The following ROBO1 variants were observed in gnomAD, a reference collection of about 807,000 sequenced individuals.
ROBO1 encodes the protein roundabout guidance receptor 1, also known as roundabout homolog 1.
Under a neutral mutation model 195.9 loss-of-function variants are expected in ROBO1, and 149 were observed. The ratio of observed to expected loss-of-function variants is 0.76; its 90% CI spans 0.67 to 0.87. The LOEUF (loss-of-function observed/expected upper bound fraction) is 0.87, where lower values mean the gene tolerates loss of function less well. Among genes scored for constraint, ROBO1 ranks in the 40% least tolerant of loss-of-function variants. ROBO1 has a pLI of 0.00. For synonymous variants in ROBO1, 816 were observed against 733.2 expected, an observed-to-expected ratio of 1.11 and a Z score of -1.82; for missense variants, 1,933 against 2,068.3, an observed-to-expected ratio of 0.93 and a Z score of 1.27.
intron 1 of ROBO1, among the ~76,000 whole-genome samples, chr3:79,713,293 A>T (rs1257826159): frequency 6.6e-6 from 1 of 152,078 alleles, no homozygotes; most frequent in East Asian, 1.9e-4. Flanking sequence ...TATTTGAGAG[A>T]TACACTTCAT....
At chr3:79,607,732 C>T (rs982215397) in intron 1 of ROBO1, among the ~76,000 whole-genome samples, 6 of 151,736 alleles carry the variant, frequency 4.0e-5, no homozygotes, top group African/African-American at 1.2e-4. Flanking sequence ...AGCTGAAAAA[C>T]TGGCAAATAT....
chr3:79,685,292 G>A (rs1576228253), intron 1 of ROBO1, among the ~76,000 whole-genome samples: 1 of 152,098 alleles, frequency 6.6e-6, no homozygotes, highest in East Asian at 1.9e-4. Context: ...GGCCAGCCAG[G>A]GGTGAAAGCT....
chr3:79,285,629 G>A (rs984891607), intron 2 of ROBO1, among the ~76,000 whole-genome samples: 1 of 152,114 alleles, frequency 6.6e-6, no homozygotes, highest in Admixed American at 6.6e-5. Flanking sequence ...CAAAGCCCTG[G>A]AATTTTCCTT....
chr3:79,623,917 G>T (rs1054877282), intron 1 of ROBO1, among the ~76,000 whole-genome samples: 1 of 152,046 alleles, frequency 6.6e-6, no homozygotes, highest in African/African-American at 2.4e-5. Flanking sequence ...AGGTCAAAAT[G>T]AAGGAAAAAA....
intron 2 of ROBO1, among the ~76,000 whole-genome samples, chr3:79,263,419 C>A (rs2082976638): frequency 6.6e-6 from 1 of 152,008 alleles, no homozygotes; most frequent in South Asian, 2.1e-4. Flanking sequence ...GAGTCCAAGG[C>A]AGGAAAACAG....
intron 2 of ROBO1, among the ~76,000 whole-genome samples, chr3:79,450,114 G>GA (rs1376572484): frequency 3.8e-5 from 5 of 131,764 alleles, no homozygotes; most frequent in Non-Finnish European, 8.0e-5. Flanking sequence ...AGTTATTGGG[G>GA]AAAAAAAATG....
intron 3 of ROBO1, among the ~76,000 whole-genome samples, chr3:79,022,926 A>G (rs1249898263): frequency 6.6e-6 from 1 of 152,162 alleles, no homozygotes; most frequent in African/African-American, 2.4e-5. Context: ...CGTTGCTCCA[A>G]TGATTATATC....
chr3:79,063,707 T>A (rs558106559), intron 3 of ROBO1, among the ~76,000 whole-genome samples: 3 of 151,718 alleles, frequency 2.0e-5, no homozygotes, highest in Admixed American at 2.0e-4. Flanking sequence ...CTCCAGAGAG[T>A]TGATTGTAAA....
chr3:79,087,114 A>G (rs939977348), intron 3 of ROBO1, among the ~76,000 whole-genome samples: 1 of 152,094 alleles, frequency 6.6e-6, no homozygotes, highest in Non-Finnish European at 1.5e-5. Flanking sequence ...AGTAATTTTG[A>G]GTAACAGAAG....
chr3:79,204,277 T>C (rs1264824706), intron 2 of ROBO1, among the ~76,000 whole-genome samples: 2 of 152,188 alleles, frequency 1.3e-5, no homozygotes, highest in African/African-American at 2.4e-5. Context: ...TTGTTAACTA[T>C]AGTTTCCCGA....
intron 26 of ROBO1, among the ~76,000 whole-genome samples, chr3:78,625,683 C>G (rs1704718552): frequency 2.0e-5 from 3 of 152,150 alleles, no homozygotes; most frequent in Admixed American, 1.3e-4. Flanking sequence ...TCCATTGATT[C>G]TCACAACAAT....
chr3:79,505,617 A>G (rs1940349211), intron 2 of ROBO1, among the ~76,000 whole-genome samples: 1 of 152,220 alleles, frequency 6.6e-6, no homozygotes, highest in African/African-American at 2.4e-5. Flanking sequence ...GGGAAAGCTT[A>G]CAATACTTTG....
At chr3:79,034,656 A>T in intron 3 of ROBO1, among the ~76,000 whole-genome samples, 1 of 152,322 alleles carries the variant, frequency 6.6e-6, no homozygotes, top group Non-Finnish European at 1.5e-5. Context: ...ATGTTATTAA[A>T]TTGAATATTA....
chr3:79,312,460 T>G (rs2033532625), intron 2 of ROBO1, among the ~76,000 whole-genome samples: 1 of 152,236 alleles, frequency 6.6e-6, no homozygotes, highest in African/African-American at 2.4e-5. Flanking sequence ...GAGCAACTAC[T>G]GAGAGATAAT....
intron 3 of ROBO1, among the ~76,000 whole-genome samples, chr3:79,118,362 CAGTCACTACTGT>C (rs1251896361): frequency 6.6e-6 from 1 of 151,878 alleles, no homozygotes; most frequent in Non-Finnish European, 1.5e-5. Flanking sequence ...AATAATTAGC[CAGTCACTACTGT>C]AGCTGCTACA....
At chr3:79,528,240 T>C (rs1425961295) in intron 2 of ROBO1, among the ~76,000 whole-genome samples, 1 of 152,218 alleles carries the variant, frequency 6.6e-6, no homozygotes, top group African/African-American at 2.4e-5. Context: ...TATTACTGTT[T>C]AGAAAGCAGA....
At chr3:78,754,570 C>T (rs141163336) in intron 4 of ROBO1, among the ~76,000 whole-genome samples, 2 of 152,086 alleles carry the variant, frequency 1.3e-5, no homozygotes, top group Non-Finnish European at 2.9e-5. Flanking sequence ...TTCCAGTGCC[C>T]AGGACAACAT....
At chr3:78,874,882 CTATT>C (rs1041259956) in intron 4 of ROBO1, among the ~76,000 whole-genome samples, 9 of 152,014 alleles carry the variant, frequency 5.9e-5, no homozygotes, top group South Asian at 2.1e-4. Context: ...TACCTCTATT[CTATT>C]TATTTATTAG....
At chr3:78,944,593 G>A (rs944848992) in intron 3 of ROBO1, among the ~76,000 whole-genome samples, 10 of 152,226 alleles carry the variant, frequency 6.6e-5, no homozygotes, top group Non-Finnish European at 1.3e-4. Flanking sequence ...GAGCAACGCA[G>A]AAGACCAGTG....
Sources: allele counts gnomAD v4.1 joint callset (sites outside exome capture counted in the v4.1 genomes callset), GRCh38; gene constraint gnomAD v4.1.1; transcripts MANE v1.5; gene names NCBI Gene and HGNC (gene_info 2026-07-23, HGNC 2026-07-21).